The following PEPD variants were observed in gnomAD, a reference collection of about 807,000 sequenced individuals.
PEPD encodes peptidase D, also known as xaa-Pro dipeptidase.
PEPD carries 53 observed loss-of-function variants against 60.7 expected under a neutral mutation model. That is an observed-to-expected ratio of 0.87 (90% CI 0.70 to 1.10). The LOEUF (loss-of-function observed/expected upper bound fraction) is 1.10, where lower values mean the gene tolerates loss of function less well. Among genes scored for constraint, PEPD ranks in the 50% least tolerant of loss-of-function variants. PEPD has a pLI of 0.00. For synonymous variants in PEPD, 267 were observed against 284.1 expected, an observed-to-expected ratio of 0.94 and a Z score of 0.60; for missense variants, 711 against 711.9, an observed-to-expected ratio of 1.00 and a Z score of 0.01.
chr19:33,468,626 C>T (rs963742724), intron 7 of PEPD, among the ~76,000 whole-genome samples: 3 of 152,246 alleles, frequency 2.0e-5, no homozygotes, highest in South Asian at 2.1e-4. Flanking sequence ...CTGACTCACA[C>T]GGTCTCCGTG....
At chr19:33,440,480 G>C (rs559143086) in intron 9 of PEPD, among the ~76,000 whole-genome samples, 1 of 152,148 alleles carries the variant, frequency 6.6e-6, no homozygotes, top group Non-Finnish European at 1.5e-5. Flanking sequence ...CTGGACCGTG[G>C]CCCTCCTCTG....
At chr19:33,510,854 G>A (rs1257352669) in intron 3 of PEPD, among the ~76,000 whole-genome samples, 174 bp downstream of exon 3, 2 of 152,052 alleles carry the variant, frequency 1.3e-5, no homozygotes, top group Non-Finnish European at 2.9e-5. Context: ...CCAGCCAAGG[G>A]TGCAGGGCTC....
intron 9 of PEPD, among the ~76,000 whole-genome samples, chr19:33,458,656 T>A (rs1185565877): frequency 1.4e-5 from 2 of 143,956 alleles, no homozygotes; most frequent in Admixed American, 1.4e-4. Flanking sequence ...GTGTGGTATG[T>A]GGCATGTGTG....
At chr19:33,425,454 G>A (rs2145387431) in intron 9 of PEPD, among the ~76,000 whole-genome samples, 1 of 152,310 alleles carries the variant, frequency 6.6e-6, no homozygotes, top group East Asian at 1.9e-4. Context: ...CAGGTATGCA[G>A]GGAGCTTTCT....
intron 9 of PEPD, among the ~76,000 whole-genome samples, chr19:33,432,931 T>C (rs1241856356): frequency 6.6e-6 from 1 of 152,236 alleles, no homozygotes; most frequent in Admixed American, 6.5e-5. Context: ...CACCTCGGCC[T>C]CCTCGGCTAT....
In PEPD at chr19:33,387,024, T is replaced by G. The variant is rs1475609069; in HGVS notation, c.*320A>C. ...TTTGACAGAAAGTATCAGAAATGCT[T>G]CTTTCCTGGGAAAAGGAATATAAAT... On this transcript the variant is annotated 3_prime_UTR_variant, in exon 15 of 15. Transcript: ENST00000244137. 2.6e-6 allele frequency: 1 copy of G among 381,696 alleles called. No individual in the cohort carries two copies. Among genetic ancestry groups the G allele is most frequent in the South Asian group, 3.8e-5 (1 of 26,140 alleles). 23.6% of individuals were successfully genotyped at this position (381,696 alleles called of 1,614,324 possible). A position where few individuals can be genotyped will look rare whatever the true frequency, so the allele number is the denominator to read the frequency against.
chr19:33,474,311 G>C (rs1970177759), intron 7 of PEPD, among the ~76,000 whole-genome samples: 1 of 152,228 alleles, frequency 6.6e-6, no homozygotes, highest in Non-Finnish European at 1.5e-5. Context: ...TCTTGGGCAA[G>C]TCACTAACTT....
intron 8 of PEPD, 118 bp downstream of exon 8, chr19:33,463,869 C>T: frequency 1.4e-6 from 1 of 733,438 alleles, no homozygotes; most frequent in Non-Finnish European, 2.5e-6. Flanking sequence ...AAACTTCCTA[C>T]CTCTCACTTG....
At chr19:33,490,917 C>T (rs1319616091) in intron 5 of PEPD, among the ~76,000 whole-genome samples, 1 of 151,940 alleles carries the variant, frequency 6.6e-6, no homozygotes, top group African/African-American at 2.4e-5. Flanking sequence ...CGTACCTCGG[C>T]CTTCCAAAGT....
rs76000511 is a variant in PEPD, at chr19:33,460,908, C to T, written c.671+2087G>A. Among the ~76,000 whole-genome samples the T allele has an allele frequency of 6.8e-3, 1,041 of 152,248 alleles. 6 individuals carry two copies. The highest frequency in any genetic ancestry group is 0.011 in the South Asian group (52 of 4,826). On this transcript the variant is annotated intron_variant, in intron 9 of 14. Coordinates refer to ENST00000244137, the MANE Select transcript of PEPD (RefSeq NM_000285.4). ...GGATGGGGGTGGAGGGAAGGTGGAG[C>T]AGTTTGTAGACAGGGGTGACATCTC...
At chr19:33,466,654 T>C (rs1970022449) in intron 7 of PEPD, among the ~76,000 whole-genome samples, 1 of 152,092 alleles carries the variant, frequency 6.6e-6, no homozygotes. Flanking sequence ...TAGAACTATA[T>C]TGGCCACGTC....
At chr19:33,400,119 G>A (rs891216056) in intron 12 of PEPD, among the ~76,000 whole-genome samples, 3 of 152,214 alleles carry the variant, frequency 2.0e-5, no homozygotes, top group African/African-American at 7.2e-5. Context: ...ACAGGGGGCT[G>A]CCTTGGGCCT....
chr19:33,403,462 G>A (rs1039385782), intron 11 of PEPD, among the ~76,000 whole-genome samples: 4 of 152,190 alleles, frequency 2.6e-5, no homozygotes, highest in African/African-American at 9.7e-5. Flanking sequence ...GCACAGCCGC[G>A]GCTTCCGTCA....
At chr19:33,464,579 T>C (rs7256446) in intron 7 of PEPD, among the ~76,000 whole-genome samples, 14,718 of 152,156 alleles carry the variant, frequency 0.097, 920 homozygotes, top group Admixed American at 0.18. Flanking sequence ...TCCAGTTTCG[T>C]GTGTGCTGGT....
At chr19:33,490,872 A>G (rs1970485498) in intron 5 of PEPD, among the ~76,000 whole-genome samples, 1 of 151,982 alleles carries the variant, frequency 6.6e-6, no homozygotes, top group Non-Finnish European at 1.5e-5. Context: ...CACGTTGGCC[A>G]GGCTTGTCTC....
At chr19:33,391,843 G>T (rs921729406) in intron 12 of PEPD, among the ~76,000 whole-genome samples, 2 of 152,206 alleles carry the variant, frequency 1.3e-5, no homozygotes, top group Non-Finnish European at 2.9e-5. Flanking sequence ...CAAATCCCTG[G>T]GCACCAGGAG....
At chr19:33,388,424 G>A (rs1261395271) in intron 13 of PEPD, 1 of 496,544 alleles carries the variant, frequency 2.0e-6, no homozygotes. Flanking sequence ...CCCCGCTGCT[G>A]GCCAGAGGAG....
At chr19:33,407,748 G>T (rs984905229) in intron 11 of PEPD, among the ~76,000 whole-genome samples, 1 of 152,202 alleles carries the variant, frequency 6.6e-6, no homozygotes, top group Non-Finnish European at 1.5e-5. Context: ...GGATCACAGC[G>T]GGAAAAGACT....
chr19:33,517,977 G>A (rs183994732), intron 1 of PEPD, among the ~76,000 whole-genome samples: 18 of 150,894 alleles, frequency 1.2e-4, no homozygotes, highest in African/African-American at 3.6e-4. Context: ...AAAATGAAAT[G>A]TGGAGCCACT....
Sources: allele counts gnomAD v4.1 joint callset (sites outside exome capture counted in the v4.1 genomes callset), GRCh38; gene constraint gnomAD v4.1.1; transcripts MANE v1.5; gene names NCBI Gene and HGNC (gene_info 2026-07-23, HGNC 2026-07-21).